LRP1B: variants seen among roughly 807,000 people sequenced by gnomAD.
LRP1B encodes LDL receptor related protein 1B, also known as low-density lipoprotein receptor-related protein 1B.
Under a neutral mutation model 556.6 loss-of-function variants are expected in LRP1B, and 217 were observed. The ratio of observed to expected loss-of-function variants is 0.39; its 90% confidence interval spans 0.35 to 0.44. The LOEUF is 0.44. Ranked by LOEUF, LRP1B falls within the 20% of genes least tolerant of loss-of-function variation. LRP1B has a pLI of 1.00. For synonymous variants in LRP1B, 2,047 were observed against 1,865.8 expected (o/e 1.10, Z -2.50); for missense variants, 5,053 against 5,620.8 (o/e 0.90, Z 3.23).
chr2:141,074,023 G>A (rs987150371), intron 7 of LRP1B, among the ~76,000 whole-genome samples: 4 of 152,030 alleles, frequency 2.6e-5, no homozygotes, highest in Non-Finnish European at 5.9e-5. Flanking sequence ...TAGCTGCTGA[G>A]AGAAATAGGA....
chr2:140,945,562 A>G (rs1695517405), intron 20 of LRP1B, among the ~76,000 whole-genome samples: 1 of 152,168 alleles, frequency 6.6e-6, no homozygotes, highest in African/African-American at 2.4e-5. Flanking sequence ...CTGCACACCT[A>G]CAGCTGACTG....
At chr2:141,579,963 G>C (rs1360952230) in intron 2 of LRP1B, among the ~76,000 whole-genome samples, 1 of 151,996 alleles carries the variant, frequency 6.6e-6, no homozygotes, top group Non-Finnish European at 1.5e-5. Flanking sequence ...GCCTCCCAAA[G>C]TTCTGGGATT....
At chr2:140,277,307 T>A (rs948001717) in intron 84 of LRP1B, among the ~76,000 whole-genome samples, 4 of 151,904 alleles carry the variant, frequency 2.6e-5, no homozygotes, top group Non-Finnish European at 5.9e-5. Context: ...AAAGATGGGC[T>A]GGGTGCGGTA....
intron 35 of LRP1B, among the ~76,000 whole-genome samples, chr2:140,736,915 G>C (rs376204148): frequency 6.6e-6 from 1 of 152,108 alleles, no homozygotes; most frequent in Non-Finnish European, 1.5e-5. Context: ...TAACTACCAT[G>C]ACTGGCAAGG....
At chr2:140,562,856 T>C (rs1558969819) in intron 43 of LRP1B, among the ~76,000 whole-genome samples, 1 of 152,094 alleles carries the variant, frequency 6.6e-6, no homozygotes, top group Non-Finnish European at 1.5e-5. Flanking sequence ...CCTCAAACGA[T>C]CTGTCTGCTT....
chr2:141,661,278 A>G (rs1294079342), intron 2 of LRP1B, among the ~76,000 whole-genome samples: 1 of 152,148 alleles, frequency 6.6e-6, no homozygotes, highest in Non-Finnish European at 1.5e-5. Flanking sequence ...TTCTCCTCCA[A>G]ATGATCACAA....
intron 72 of LRP1B, among the ~76,000 whole-genome samples, chr2:140,363,485 GATAAAA>G (rs1192966818): frequency 4.0e-5 from 6 of 151,402 alleles, no homozygotes; most frequent in Non-Finnish European, 8.9e-5. Context: ...TCACATAATT[GATAAAA>G]ATAATAGCTT....
At chr2:141,638,422 G>A (rs1574175333) in intron 2 of LRP1B, among the ~76,000 whole-genome samples, 1 of 151,322 alleles carries the variant, frequency 6.6e-6, no homozygotes, top group African/African-American at 2.4e-5. Flanking sequence ...AGCCTCTGGT[G>A]TTTCTCTATA....
At chr2:141,354,383 A>C (rs1688551242) in intron 3 of LRP1B, among the ~76,000 whole-genome samples, 2 of 152,014 alleles carry the variant, frequency 1.3e-5, no homozygotes, top group Admixed American at 1.3e-4. Context: ...GTACTGCCCA[A>C]ACCTATATCC....
In LRP1B at chr2:140,756,976, A is replaced by G. The variant is rs1439171408; in HGVS notation, c.5758+12237T>C. On this transcript the variant is annotated intron_variant, in intron 35 of 90. Transcript: ENST00000389484. The stretch of plus-strand genomic sequence containing the variant: ...TAGTAACTCAATATTAAAAAGACAA[A>G]GACCCCAGTAATAAAATGGGCAAAA... Among the ~76,000 whole-genome samples, 3 of 152,222 alleles carry G rather than the reference A, an allele frequency of 2.0e-5. No homozygotes were observed. The East Asian group carries it at 5.8e-4, about 29-fold the overall frequency.
intron 2 of LRP1B, among the ~76,000 whole-genome samples, chr2:141,601,953 G>A (rs1216821030): frequency 2.0e-5 from 3 of 152,050 alleles, no homozygotes; most frequent in Non-Finnish European, 1.5e-5. Flanking sequence ...CATTTCTCAA[G>A]TTTCTAATAG....
In LRP1B at chr2:140,436,655, G is replaced by T. The variant is rs1224358824; in HGVS notation, c.10414+5849C>A. Among the ~76,000 whole-genome samples the T allele has an allele frequency of 2.7e-5, 4 of 148,014 alleles. No homozygotes were observed. The South Asian group carries it at 8.6e-4, about 32-fold the overall frequency. On this transcript the variant is annotated intron_variant, in intron 66 of 90. Coordinates refer to ENST00000389484, the MANE Select transcript of LRP1B (RefSeq NM_018557.3). ...TGCCAGTGTGAGAAGTAGAGAAAGT[G>T]TCATCTCAAAAATGAGTAAGATATT...
intron 3 of LRP1B, among the ~76,000 whole-genome samples, chr2:141,294,696 C>T (rs1350598446): frequency 1.3e-5 from 2 of 149,500 alleles, no homozygotes; most frequent in African/African-American, 2.5e-5. Flanking sequence ...ACCATGGCCA[C>T]ACCACTGCAT....
intron 3 of LRP1B, among the ~76,000 whole-genome samples, chr2:141,367,736 C>A (rs1372948711): frequency 6.6e-6 from 1 of 151,898 alleles, no homozygotes; most frequent in Non-Finnish European, 1.5e-5. Context: ...CCCGCCTCAG[C>A]CTCCCAAAGT....
intron 3 of LRP1B, among the ~76,000 whole-genome samples, chr2:141,275,022 T>C (rs956076825): frequency 2.0e-5 from 3 of 151,818 alleles, no homozygotes; most frequent in African/African-American, 7.3e-5. Flanking sequence ...GAAAACCAAG[T>C]TGGAAAAAGG....
At chr2:140,763,354 G>C (rs1168422409) in intron 35 of LRP1B, among the ~76,000 whole-genome samples, 1 of 151,974 alleles carries the variant, frequency 6.6e-6, no homozygotes, top group Non-Finnish European at 1.5e-5. Flanking sequence ...AGCCTCAGTA[G>C]CTAAAAAGAA....
At chr2:141,104,387 A>T (rs1700551732) in intron 7 of LRP1B, among the ~76,000 whole-genome samples, 1 of 152,134 alleles carries the variant, frequency 6.6e-6, no homozygotes, top group South Asian at 2.1e-4. Flanking sequence ...ACTTTGGAGT[A>T]TGTCAACCAG....
intron 72 of LRP1B, among the ~76,000 whole-genome samples, chr2:140,362,477 A>AC (rs1437025669): frequency 2.0e-5 from 3 of 151,660 alleles, no homozygotes; most frequent in African/African-American, 7.3e-5. Context: ...AGTCAAACAC[A>AC]CACTGTCAAT....
intron 1 of LRP1B, among the ~76,000 whole-genome samples, chr2:141,823,107 ATC>A (rs1286883878): frequency 6.6e-6 from 1 of 152,152 alleles, no homozygotes; most frequent in Non-Finnish European, 1.5e-5. Flanking sequence ...TGCTTTCCCC[ATC>A]TCTCTTGCTT....
Sources: gnomAD v4.1 joint callset for allele counts (sites outside exome capture counted in the v4.1 genomes callset) on GRCh38, gnomAD v4.1.1 for gene constraint, MANE v1.5 for transcripts, NCBI Gene and HGNC (gene_info 2026-07-23, HGNC 2026-07-21) for gene names.